Variants in VCPIP1 observed in about 807,000 individuals in gnomAD.
The protein encoded by VCPIP1 is deubiquitinating protein VCPIP1.
In VCPIP1, 8 loss-of-function variants were observed where a neutral mutation model predicts 85.0. The observed-to-expected ratio is 0.09, with a 90% CI of 0.06 to 0.17. The LOEUF (loss-of-function observed/expected upper bound fraction) is 0.17. Ranked by LOEUF, VCPIP1 falls within the 10% of genes least tolerant of loss-of-function variation. The pLI, the probability that VCPIP1 is intolerant of heterozygous loss-of-function variation, is 1.00. For missense variants in VCPIP1, 1,070 were observed against 1,486.3 expected (o/e 0.72, Z 4.61); for synonymous variants, 543 against 544.5 (o/e 1.00, Z 0.04).
At chr8:66,640,957 T>C (rs1810941025) in intron 2 of VCPIP1, among the ~76,000 whole-genome samples, 1 of 152,246 alleles carries the variant, frequency 6.6e-6, no homozygotes, top group African/African-American at 2.4e-5. Context: ...TTCAATGAGC[T>C]GTTAAGCACT....
At chr8:66,662,444 C>T (rs1036052309) in intron 1 of VCPIP1, among the ~76,000 whole-genome samples, 6 of 152,048 alleles carry the variant, frequency 3.9e-5, no homozygotes, top group Non-Finnish European at 1.5e-5. Context: ...GCTGACTGAC[C>T]ATCCATTCCA....
At chr8:66,650,406 G>C (rs576242312) in intron 2 of VCPIP1, among the ~76,000 whole-genome samples, 2 of 152,242 alleles carry the variant, frequency 1.3e-5, no homozygotes, top group East Asian at 3.9e-4. Context: ...AGGTGAAATA[G>C]ATAAGCCAGA....
At chr8:66,635,428 G>A in intron 2 of VCPIP1, 56 bp from the exon 3 acceptor site, 5 of 1,454,296 alleles carry the variant, frequency 3.4e-6, no homozygotes, top group African/African-American at 1.4e-5. Flanking sequence ...TAATAAAAGT[G>A]TAGTCAAGAC....
Position 66,630,502 on chromosome 8 carries a change from G to A in VCPIP1, c.*3999C>T, listed in dbSNP as rs1810823486. On this transcript the variant is annotated 3_prime_UTR_variant, in exon 3 of 3. Transcript: ENST00000310421. ...CAGGACGAGATTTCTGCATTCTAAA[G>A]AAAAGTAGGCAATACCTTAAAAATT... is the stretch of plus-strand genomic sequence containing the variant. 1 of 152,500 alleles carries A rather than the reference G, an allele frequency of 6.6e-6. No individual in the cohort carries two copies. The highest frequency in any genetic ancestry group is 1.5e-5 in the Non-Finnish European group (1 of 68,004). 9.4% of individuals were successfully genotyped at this position (152,500 alleles called of 1,614,324 possible).
intron 2 of VCPIP1, 77 bp from the exon 3 acceptor site, chr8:66,635,449 A>G: frequency 7.5e-7 from 1 of 1,334,340 alleles, no homozygotes; most frequent in East Asian, 2.6e-5. Context: ...AATTATAGTT[A>G]AAATAATGAA....
intron 1 of VCPIP1, among the ~76,000 whole-genome samples, chr8:66,658,376 T>C (rs1811120714): frequency 1.3e-5 from 2 of 148,662 alleles, no homozygotes; most frequent in Admixed American, 1.3e-4. Context: ...ATAAGTACTA[T>C]CTAGATTTGA....
rs139725884 is a variant in VCPIP1 at position 66,651,701 on chromosome 8, T to C, written c.2711-157A>G. Among the ~76,000 whole-genome samples, 359 of 152,230 alleles carry C rather than the reference T, an allele frequency of 2.4e-3. 3 individuals are homozygous for C. The highest frequency in any genetic ancestry group is 7.6e-3 in the African/African-American group (315 of 41,546). Reference sequence around the variant, plus strand: ...TAGAGGGATGATACTGAGTGACAGATTGTGGCATACTAGAAAATGCATGGC... The same window carrying C: ...TAGAGGGATGATACTGAGTGACAGACTGTGGCATACTAGAAAATGCATGGC... On this transcript the variant is annotated intron_variant, in intron 1 of 2. Coordinates refer to ENST00000310421, the MANE Select transcript of VCPIP1 (RefSeq NM_025054.5).
At chr8:66,635,999 G>C (rs1810882656) in intron 2 of VCPIP1, among the ~76,000 whole-genome samples, 1 of 150,928 alleles carries the variant, frequency 6.6e-6, no homozygotes, top group Admixed American at 6.6e-5. Flanking sequence ...GAGGCAGACA[G>C]GTGGATCACT....
At chr8:66,647,759 T>G (rs1164943052) in intron 2 of VCPIP1, among the ~76,000 whole-genome samples, 1 of 152,134 alleles carries the variant, frequency 6.6e-6, no homozygotes, top group Admixed American at 6.5e-5. Context: ...CTGGAACAAC[T>G]GGTCATCCAT....
In VCPIP1 at chr8:66,629,777, G is replaced by A. The variant is rs1277297821; in HGVS notation, c.*4724C>T. The A allele has an allele frequency of 1.3e-5, 2 of 152,310 alleles. No individual in the cohort carries two copies. The highest frequency in any genetic ancestry group is 2.1e-4 in the South Asian group (1 of 4,840). 9.4% of individuals were successfully genotyped at this position (152,310 alleles called of 1,614,324 possible). A position where few individuals can be genotyped will look rare whatever the true frequency, so the allele number is the denominator to read the frequency against. Reference sequence around the variant, plus strand: ...GTGGGAGGATCACTTGAGCCCAGGAGGTTGAGGCTGCAGTGAGCCCTGATC... The same window carrying A: ...GTGGGAGGATCACTTGAGCCCAGGAAGTTGAGGCTGCAGTGAGCCCTGATC... On this transcript the variant is annotated 3_prime_UTR_variant, in exon 3 of 3. Coordinates refer to ENST00000310421, the MANE Select transcript of VCPIP1 (RefSeq NM_025054.5).
At chr8:66,663,672 G>A (rs1273506386) in intron 1 of VCPIP1, among the ~76,000 whole-genome samples, 1 of 152,096 alleles carries the variant, frequency 6.6e-6, no homozygotes, top group East Asian at 1.9e-4. Context: ...TATAATTGAT[G>A]GCAAAGACTT....
intron 2 of VCPIP1, among the ~76,000 whole-genome samples, chr8:66,648,521 T>C (rs916263455): frequency 7.1e-6 from 1 of 140,394 alleles, no homozygotes; most frequent in Non-Finnish European, 1.5e-5. Flanking sequence ...ATCATCTATG[T>C]ATCTAATCTA....
At position 66,666,199 on chromosome 8, in the gene VCPIP1, G is replaced by C. The variant is rs147714100; in HGVS notation, c.760C>G (p.Gln254Glu). The change falls in exon 1 of 3, where the codon CAA (glutamine) becomes GAA (glutamate). Residue 254 changes from glutamine (Q) to glutamate (E), a missense_variant. Around this residue, in one of 8 missense-constraint regions of VCPIP1, gnomAD observed 118 missense variants for 337.1 expected, o/e 0.35. Transcript: ENST00000310421. This position sits in a 1 kb window ranked among gnomAD's most constrained non-coding sequence, Gnocchi z 6.3. ...QHFQQHLARY[Q>E]ALFHDFIDAA... ...TCAATGAAGTCATGGAACAGAGCTT[G>C]ATATCGGGCCAGGTGCTGCTGAAAG... The C allele has an allele frequency of 1.2e-5, 19 of 1,614,040 alleles. No individual in the cohort carries two copies. In the African/African-American group the frequency reaches 1.2e-4, roughly 10 times the overall value.
intron 2 of VCPIP1, among the ~76,000 whole-genome samples, chr8:66,640,084 A>C (rs1386061298): frequency 6.6e-6 from 1 of 152,192 alleles, no homozygotes; most frequent in Non-Finnish European, 1.5e-5. Flanking sequence ...CCCCGAACTT[A>C]AAAATAATAG....
chr8:66,648,938 T>A (rs931965071), intron 2 of VCPIP1, among the ~76,000 whole-genome samples: 2 of 152,022 alleles, frequency 1.3e-5, no homozygotes, highest in African/African-American at 4.8e-5. Flanking sequence ...TGCAGGAAGA[T>A]CACCTGAGCT....
intron 2 of VCPIP1, among the ~76,000 whole-genome samples, chr8:66,643,268 A>G (rs2130156106): frequency 6.6e-6 from 1 of 152,198 alleles, no homozygotes; most frequent in Non-Finnish European, 1.5e-5. Context: ...GGTTAAAGTA[A>G]GCTGAGATCA....
intron 1 of VCPIP1, among the ~76,000 whole-genome samples, chr8:66,655,035 C>T (rs1469730477): frequency 6.6e-6 from 1 of 152,198 alleles, no homozygotes; most frequent in East Asian, 1.9e-4. Flanking sequence ...AAAACTCAAT[C>T]TAGGTATCAC....
Position 66,665,549 on chromosome 8 carries a change from C to A in VCPIP1, c.1410G>T (p.Leu470Phe). The A allele has an allele frequency of 6.2e-7, 1 of 1,614,150 alleles. No homozygotes were observed. The highest frequency in any genetic ancestry group is 8.5e-7 in the Non-Finnish European group (1 of 1,180,010). ...GAAGTTCAGAAAGGGCACCACAGAGCAAACATTTGTGAAGGCGATTATCCA... is the reference window on the plus strand; with the variant it reads ...GAAGTTCAGAAAGGGCACCACAGAGAAAACATTTGTGAAGGCGATTATCCA... ...AVMDNRLHKC[L>F]LCGALSELHV... Residue 470 changes from leucine (L) to phenylalanine (F), a missense_variant, in exon 1 of 3, where the codon TTG (leucine) becomes TTT (phenylalanine). By Grantham distance (22) the Leu-to-Phe change is conservative. Coordinates refer to ENST00000310421, the MANE Select transcript of VCPIP1 (RefSeq NM_025054.5). The surrounding 1 kb of genome is among the most constrained non-coding windows in gnomAD (Gnocchi z 4.3).
rs146545976 is a variant in VCPIP1 at position 66,637,958 on chromosome 8, C to T, written c.2798-2586G>A. Among the ~76,000 whole-genome samples, 4 of 152,248 alleles carry T rather than the reference C, an allele frequency of 2.6e-5. No homozygotes were observed. In the East Asian group the frequency reaches 5.8e-4, roughly 22 times the overall value. On this transcript the variant is annotated intron_variant, in intron 2 of 2. Coordinates refer to ENST00000310421, the MANE Select transcript of VCPIP1 (RefSeq NM_025054.5). The stretch of plus-strand genomic sequence containing the variant: ...TTGCACTCCAGCCAGGGCGACAGAG[C>T]GAGACTCCGTCTCAAAACGAAACAA...
Sources: allele counts gnomAD v4.1 joint callset (sites outside exome capture counted in the v4.1 genomes callset), GRCh38; gene constraint gnomAD v4.1.1; regional missense constraint gnomAD v4.1.1; non-coding constraint Gnocchi (gnomAD v3.1); transcripts MANE v1.5; gene names NCBI Gene and HGNC (gene_info 2026-07-23, HGNC 2026-07-21).